POLA1: variants seen among roughly 807,000 people sequenced by gnomAD.
POLA1 encodes DNA polymerase alpha 1, catalytic subunit, also known as DNA polymerase alpha catalytic subunit.
POLA1 carries 15 observed loss-of-function variants against 124.0 expected under a neutral mutation model. The ratio of observed to expected loss-of-function variants is 0.12; its 90% CI spans 0.08 to 0.19. The LOEUF (loss-of-function observed/expected upper bound fraction) is 0.19. Among genes scored for constraint, POLA1 ranks in the 10% least tolerant of loss-of-function variants. The probability of loss-of-function intolerance (pLI) is 1.00; values close to 1 mark genes in which losing one functional copy is unlikely to be tolerated. For synonymous variants in POLA1, 408 were observed against 389.4 expected (o/e 1.05, Z -0.56); for missense variants, 886 against 1,103.4 (o/e 0.80, Z 2.79).
chrX:24,754,275 G>A (rs1932477422), intron 26 of POLA1, among the ~76,000 whole-genome samples: 1 of 108,748 alleles, frequency 9.2e-6, no homozygotes, highest in South Asian at 4.1e-4. Flanking sequence ...GGGGGGCAGG[G>A]GGGCAGAGTT....
intron 36 of POLA1, among the ~76,000 whole-genome samples, chrX:24,930,878 C>T (rs919452971): frequency 1.8e-5 from 2 of 112,467 alleles, no homozygotes; most frequent in Admixed American, 9.4e-5. Context: ...GCATAGGCAA[C>T]GTGATCATTG....
intron 29 of POLA1, 46 bp downstream of exon 29, chrX:24,812,909 A>C (rs2045928298): frequency 1.2e-6 from 1 of 831,825 alleles, no homozygotes; most frequent in Non-Finnish European, 1.8e-6. Flanking sequence ...TCTTTTAAAA[A>C]TTCAGGTGTG....
Position 24,815,125 on chromosome X carries a change from T to A in POLA1, c.3429+14T>A, listed in dbSNP as rs752319481. On this transcript the variant is annotated intron_variant, in intron 30 of 36. Transcript: ENST00000379068. ...GAAATTAACAAGGTAAATGTAGCATTTATTGCTGAGCCCAGCTGCTGTCAT... is the reference window on the plus strand; with the variant it reads ...GAAATTAACAAGGTAAATGTAGCATATATTGCTGAGCCCAGCTGCTGTCAT... The A allele has an allele frequency of 1.6e-5, 19 of 1,194,639 alleles. No homozygotes were observed. The African/African-American group carries it at 3.4e-4, about 21-fold the overall frequency.
chrX:24,975,272 A>T (rs950917454), intron 36 of POLA1, among the ~76,000 whole-genome samples: 1 of 112,485 alleles, frequency 8.9e-6, no homozygotes, highest in Non-Finnish European at 1.9e-5. Flanking sequence ...GGCCTCCCAA[A>T]GTGCTGGGAT....
intron 32 of POLA1, among the ~76,000 whole-genome samples, chrX:24,837,885 C>T (rs1333295661): frequency 1.8e-5 from 2 of 112,028 alleles, no homozygotes; most frequent in Non-Finnish European, 3.8e-5. Flanking sequence ...AAGGGTTTTA[C>T]TGTAGTTATT....
chrX:24,713,361 A>T (rs1442481344), intron 4 of POLA1, among the ~76,000 whole-genome samples: 1 of 111,617 alleles, frequency 9.0e-6, no homozygotes, highest in African/African-American at 3.3e-5. Context: ...GGTATTAGAA[A>T]AGTTTGTAGG....
At chrX:24,852,285 A>G (rs1030544674) in intron 34 of POLA1, among the ~76,000 whole-genome samples, 2 of 109,196 alleles carry the variant, frequency 1.8e-5, no homozygotes, top group Non-Finnish European at 3.8e-5. Flanking sequence ...TGAGCTTGGC[A>G]TAAATCACGT....
intron 36 of POLA1, among the ~76,000 whole-genome samples, chrX:24,982,014 G>A (rs1397546355): frequency 1.8e-5 from 2 of 110,450 alleles, no homozygotes; most frequent in East Asian, 2.9e-4. Flanking sequence ...CATCTGTGGC[G>A]CTCTTTTTAC....
chrX:24,724,132 G>T (rs753348629), intron 11 of POLA1, among the ~76,000 whole-genome samples: 27 of 112,280 alleles, frequency 2.4e-4, no homozygotes, highest in Non-Finnish European at 4.3e-4. Context: ...TGTTTTTTAT[G>T]ATGCCATTGG....
intron 26 of POLA1, among the ~76,000 whole-genome samples, chrX:24,763,957 T>C (rs1414527041): frequency 9.0e-6 from 1 of 111,691 alleles, no homozygotes; most frequent in Non-Finnish European, 1.9e-5. Context: ...CCAGGCTCCC[T>C]GTTCTGTATA....
intron 26 of POLA1, among the ~76,000 whole-genome samples, chrX:24,765,384 C>T (rs1249488184): frequency 1.8e-5 from 2 of 108,265 alleles, no homozygotes; most frequent in Admixed American, 9.8e-5. Context: ...CAACCTCCAC[C>T]TCCTGGGTTC....
rs60649169 is a variant in POLA1, at chrX:24,805,136, C to T, written c.2965-4762C>T. On this transcript the variant is annotated intron_variant, in intron 26 of 36. Coordinates refer to ENST00000379068, the MANE Select transcript of POLA1 (RefSeq NM_001330360.2). The stretch of plus-strand genomic sequence containing the variant: ...AATTATTGCTCTCCCCACCTCCACC[C>T]CTTTCCTGTTTCCCCCTCCTCTTTT... Among the ~76,000 whole-genome samples the T allele has an allele frequency of 7.6e-3, 847 of 111,122 alleles. 11 individuals are homozygous for T. The highest frequency in any genetic ancestry group is 0.026 in the African/African-American group (800 of 30,532).
At chrX:24,725,913 G>A in intron 12 of POLA1, 68 bp from the exon 13 acceptor site, 1 of 650,808 alleles carries the variant, frequency 1.5e-6, no homozygotes, top group South Asian at 2.6e-5. Flanking sequence ...ACAAGAGCAT[G>A]TATTGTAATA....
chrX:24,786,681 ATTTTTTT>A (rs1205219554), intron 26 of POLA1, among the ~76,000 whole-genome samples: 25 of 63,149 alleles, frequency 4.0e-4, no homozygotes, highest in Admixed American at 5.5e-4. Flanking sequence ...GGCTTGGCTA[ATTTTTTT>A]TTTTTTTTTT....
At chrX:24,872,102 A>G (rs1241551216) in intron 34 of POLA1, among the ~76,000 whole-genome samples, 2 of 111,664 alleles carry the variant, frequency 1.8e-5, no homozygotes, top group African/African-American at 6.5e-5. Context: ...TAACCGTTGT[A>G]ATTAGACCAA....
rs532534349 is a variant in POLA1, at chrX:24,783,940, C to T, written c.2965-25958C>T. ...GAGTACAGATATAGAACATTTCCAT[C>T]ATTGCAGGAAGTACTATTGGAAAGC... is the stretch of plus-strand genomic sequence containing the variant. On this transcript the variant is annotated intron_variant, in intron 26 of 36. Transcript: ENST00000379068. Among the ~76,000 whole-genome samples, 11 of 111,610 alleles carry T rather than the reference C, an allele frequency of 9.9e-5. No homozygotes were observed. The East Asian group carries it at 1.4e-3, about 14-fold the overall frequency.
intron 36 of POLA1, among the ~76,000 whole-genome samples, chrX:24,970,509 G>A (rs1464215554): frequency 9.0e-6 from 1 of 111,541 alleles, no homozygotes; most frequent in African/African-American, 3.3e-5. Flanking sequence ...TATCATCAGA[G>A]TGAACAGACA....
At chrX:24,830,422 T>C (rs1430961216) in intron 32 of POLA1, among the ~76,000 whole-genome samples, 1 of 111,987 alleles carries the variant, frequency 8.9e-6, no homozygotes, top group Non-Finnish European at 1.9e-5. Flanking sequence ...GGCTCTTGAA[T>C]TGAAAGAGAA....
intron 26 of POLA1, among the ~76,000 whole-genome samples, chrX:24,805,397 C>A (rs1013497655): frequency 8.1e-5 from 9 of 111,547 alleles, no homozygotes; most frequent in African/African-American, 2.9e-4. Flanking sequence ...CACCGAGTCT[C>A]CTGATTGGGG....
Sources: allele counts gnomAD v4.1 joint callset (sites outside exome capture counted in the v4.1 genomes callset), GRCh38; gene constraint gnomAD v4.1.1; transcripts MANE v1.5; gene names NCBI Gene and HGNC (gene_info 2026-07-23, HGNC 2026-07-21).